MOB3B: variants seen among roughly 807,000 people sequenced by gnomAD.
MOB3B encodes the protein MOB kinase activator 3B, also known as MOB kinase activator-like 2B.
Under a neutral mutation model 18.7 loss-of-function variants are expected in MOB3B, and 7 were observed. That is an observed-to-expected ratio of 0.37 (90% CI 0.21 to 0.70). The LOEUF (loss-of-function observed/expected upper bound fraction) is 0.70. Ranked by LOEUF, MOB3B falls within the 30% of genes least tolerant of loss-of-function variation. MOB3B has a pLI of 0.52. For synonymous variants in MOB3B, 111 were observed against 99.9 expected (o/e 1.11, Z -0.66); for missense variants, 253 against 281.3 (o/e 0.90, Z 0.72).
chr9:27,338,935 G>T (rs1377964259), intron 3 of MOB3B, among the ~76,000 whole-genome samples: 2 of 152,226 alleles, frequency 1.3e-5, no homozygotes, highest in Non-Finnish European at 2.9e-5. Flanking sequence ...GACTTTCTAA[G>T]GAGCCCTCAG....
intron 1 of MOB3B, among the ~76,000 whole-genome samples, chr9:27,503,440 C>T (rs975597038): frequency 2.6e-5 from 4 of 152,180 alleles, no homozygotes; most frequent in Non-Finnish European, 5.9e-5. Context: ...AAAGTGGAGG[C>T]GGATCCAGCC....
chr9:27,526,647 T>G (rs754248845), intron 1 of MOB3B: 1 of 152,062 alleles, frequency 6.6e-6, no homozygotes, highest in Non-Finnish European at 1.5e-5. Context: ...GGGGTAGAAG[T>G]CAGAACAGTA....
intron 1 of MOB3B, among the ~76,000 whole-genome samples, chr9:27,506,874 G>T (rs1475995010): frequency 6.7e-6 from 1 of 149,014 alleles, no homozygotes; most frequent in Non-Finnish European, 1.5e-5. Context: ...TAGAGACGGG[G>T]TTTCACCATC....
At chr9:27,488,469 G>A (rs1273639919) in intron 1 of MOB3B, among the ~76,000 whole-genome samples, 4 of 152,128 alleles carry the variant, frequency 2.6e-5, no homozygotes, top group East Asian at 1.9e-4. Flanking sequence ...GTGCAGTGGT[G>A]CAATCTTGGC....
intron 2 of MOB3B, among the ~76,000 whole-genome samples, chr9:27,441,007 C>T (rs367893172): frequency 3.2e-4 from 48 of 152,050 alleles, no homozygotes; most frequent in Non-Finnish European, 5.9e-4. Flanking sequence ...CAATCTAGAT[C>T]CCTCACATGT....
chr9:27,448,176 C>A (rs1383091892), intron 2 of MOB3B, among the ~76,000 whole-genome samples: 1 of 152,124 alleles, frequency 6.6e-6, no homozygotes, highest in African/African-American at 2.4e-5. Flanking sequence ...GTTGAGACAC[C>A]TTGGGTCTGA....
At chr9:27,470,490 G>A (rs1211974160) in intron 1 of MOB3B, among the ~76,000 whole-genome samples, 2 of 152,086 alleles carry the variant, frequency 1.3e-5, no homozygotes, top group African/African-American at 4.8e-5. Flanking sequence ...TAATCCTCCA[G>A]CCTCCAGGCG....
intron 2 of MOB3B, among the ~76,000 whole-genome samples, chr9:27,369,349 G>T (rs1231609045): frequency 6.6e-6 from 1 of 152,158 alleles, no homozygotes; most frequent in African/African-American, 2.4e-5. Flanking sequence ...ACCAAGTCTT[G>T]TCTTGAACAG....
At chr9:27,479,888 T>G (rs1160448135) in intron 1 of MOB3B, among the ~76,000 whole-genome samples, 1 of 152,132 alleles carries the variant, frequency 6.6e-6, no homozygotes, top group African/African-American at 2.4e-5. Context: ...AGACCTAGTC[T>G]CTACAAAAAG....
At chr9:27,457,490 G>C (rs1014351975) in intron 1 of MOB3B, among the ~76,000 whole-genome samples, 5 of 152,172 alleles carry the variant, frequency 3.3e-5, no homozygotes, top group Non-Finnish European at 7.4e-5. Context: ...TCAACCTTAA[G>C]TTATTGAGGC....
intron 1 of MOB3B, chr9:27,524,595 T>C (rs1820400632): frequency 6.2e-7 from 1 of 1,613,994 alleles, no homozygotes; most frequent in African/African-American, 1.3e-5. Context: ...CAAGAAGGCC[T>C]TCTATGAAAT....
chr9:27,334,289 T>G (rs1391994822), intron 3 of MOB3B, among the ~76,000 whole-genome samples: 3 of 152,212 alleles, frequency 2.0e-5, no homozygotes, highest in African/African-American at 7.2e-5. Flanking sequence ...TCTAATTTTT[T>G]TGTCCTTTGC....
At chr9:27,382,706 G>C (rs1397000836) in intron 2 of MOB3B, among the ~76,000 whole-genome samples, 1 of 91,452 alleles carries the variant, frequency 1.1e-5, no homozygotes, top group African/African-American at 4.1e-5. Context: ...TGTGAAATGA[G>C]AGGTGAAGGT....
intron 1 of MOB3B, among the ~76,000 whole-genome samples, chr9:27,521,681 T>G (rs1349495706): frequency 2.0e-5 from 3 of 151,604 alleles, no homozygotes; most frequent in Non-Finnish European, 4.4e-5. Context: ...GCTTTGCACT[T>G]TATAGAATGT....
At chr9:27,513,277 C>G (rs1301622266) in intron 1 of MOB3B, among the ~76,000 whole-genome samples, 1 of 152,106 alleles carries the variant, frequency 6.6e-6, no homozygotes, top group Admixed American at 6.6e-5. Context: ...CTCTACTGCT[C>G]CCACCTTAAT....
intron 1 of MOB3B, among the ~76,000 whole-genome samples, chr9:27,492,310 C>T (rs1334449213): frequency 6.6e-6 from 1 of 152,106 alleles, no homozygotes; most frequent in African/African-American, 2.4e-5. Context: ...CACAATTTTC[C>T]TTTAATTGAA....
rs536716885 is a variant in MOB3B, at chr9:27,481,511, GTTTT to G, written c.-198-25767_-198-25764del. On this transcript the variant is annotated intron_variant, in intron 1 of 3. Transcript: ENST00000262244. ...TAAGGAAGGTAGTTTTTTTTTTTTT[GTTTT>G]TTTTGTTTTTTTTTTTTTTTGAGAC... 7.3e-3 allele frequency among the ~76,000 whole-genome samples: 507 copies of G among 69,722 alleles called. 3 individuals carry two copies. The highest frequency in any genetic ancestry group is 0.033 in the Middle Eastern group (3 of 90). 45.7% of individuals were successfully genotyped at this position (69,722 alleles called of 152,430 possible).
At chr9:27,480,441 A>G (rs906797941) in intron 1 of MOB3B, among the ~76,000 whole-genome samples, 1 of 152,112 alleles carries the variant, frequency 6.6e-6, no homozygotes. Context: ...CTGGGACTAC[A>G]GGCACCCGCC....
At chr9:27,473,158 CTGATTTATT>C (rs1819499154) in intron 1 of MOB3B, among the ~76,000 whole-genome samples, 1 of 152,168 alleles carries the variant, frequency 6.6e-6, no homozygotes, top group Admixed American at 6.5e-5. Context: ...CCAAGGAGCC[CTGATTTATT>C]TCAGCTTTGA....
Sources: allele counts gnomAD v4.1 joint callset (sites outside exome capture counted in the v4.1 genomes callset), GRCh38; gene constraint gnomAD v4.1.1; transcripts MANE v1.5; gene names NCBI Gene and HGNC (gene_info 2026-07-23, HGNC 2026-07-21).